The following HAUS2 variants were observed in gnomAD, a reference collection of about 807,000 sequenced individuals.
HAUS2 encodes HAUS augmin-like complex subunit 2.
HAUS2 carries 20 observed loss-of-function variants against 21.6 expected under a neutral mutation model. The observed-to-expected ratio is 0.93, with a 90% CI of 0.65 to 1.35. The LOEUF (loss-of-function observed/expected upper bound fraction) is 1.35, where lower values mean the gene tolerates loss of function less well. Among genes scored for constraint, HAUS2 ranks in the 40% most tolerant of loss-of-function variants. The probability of loss-of-function intolerance (pLI) is 0.00; values close to 1 mark genes in which losing one functional copy is unlikely to be tolerated. For missense variants in HAUS2, 297 were observed against 280.7 expected (o/e 1.06, Z -0.42); for synonymous variants, 113 against 95.6 (o/e 1.18, Z -1.06).
chr15:42,566,859 G>A lies in HAUS2; in HGVS notation c.*43G>A. ...GCTTAATTATGTGTAGTCATATGAA[G>A]TCTATTTCTAGTTGACTGTAACATG... is the stretch of plus-strand genomic sequence containing the variant. On this transcript the variant is annotated 3_prime_UTR_variant, in exon 6 of 6. Coordinates refer to ENST00000260372, the MANE Select transcript of HAUS2 (RefSeq NM_018097.3). 1.1e-6 allele frequency: 1 copy of A among 932,348 alleles called. No individual in the cohort carries two copies. The highest frequency in any genetic ancestry group is 2.4e-5 in the East Asian group (1 of 41,478). 57.8% of individuals were successfully genotyped at this position (932,348 alleles called of 1,614,324 possible).
chr15:42,569,289 T>G lies in HAUS2; in HGVS notation c.*2473T>G, dbSNP rs983861721. On this transcript the variant is annotated 3_prime_UTR_variant, in exon 6 of 6. Transcript: ENST00000260372. The stretch of plus-strand genomic sequence containing the variant: ...TCAGTTTTGTTTTTTGTTTTGTTCT[T>G]TTCTTTCCTTTTTTTTTTTTTTTTT... The G allele has an allele frequency of 6.7e-5, 10 of 150,000 alleles. No homozygotes were observed. Among genetic ancestry groups the G allele is most frequent in the African/African-American group, 2.5e-4 (10 of 40,000 alleles). The allele number at this position is 150,000 out of a possible 1,614,324, so 9.3% of individuals were successfully genotyped here. A position where few individuals can be genotyped will look rare whatever the true frequency, so the allele number is the denominator to read the frequency against.
intron 3 of HAUS2, chr15:42,560,825 G>A (rs916130704): frequency 7.1e-6 from 5 of 702,092 alleles, no homozygotes; most frequent in African/African-American, 3.5e-5. Flanking sequence ...TCGAACTCAT[G>A]GCCTCAATTC....
chr15:42,557,478 T>A (rs1255927323), intron 1 of HAUS2, among the ~76,000 whole-genome samples: 1 of 143,628 alleles, frequency 7.0e-6, no homozygotes, highest in African/African-American at 2.6e-5. Flanking sequence ...TAATGTATAT[T>A]ATATATAATA....
rs2141609774 is a variant in HAUS2 at position 42,567,648 on chromosome 15, G to C, written c.*832G>C. The C allele has an allele frequency of 6.6e-6, 1 of 152,354 alleles. No individual in the cohort carries two copies. Among genetic ancestry groups the C allele is most frequent in the South Asian group, 2.1e-4 (1 of 4,830 alleles). The allele number at this position is 152,354 out of a possible 1,614,324, so 9.4% of individuals were successfully genotyped here. A position where few individuals can be genotyped will look rare whatever the true frequency, so the allele number is the denominator to read the frequency against. On this transcript the variant is annotated 3_prime_UTR_variant, in exon 6 of 6. Coordinates refer to ENST00000260372, the MANE Select transcript of HAUS2 (RefSeq NM_018097.3). The stretch of plus-strand genomic sequence containing the variant: ...ACCTGAGGTCAGGAGTTTGAGACCA[G>C]CCTTGACAACATGGTGAAACCCCAT...
At chr15:42,564,600 C>T (rs960422490) in intron 5 of HAUS2, among the ~76,000 whole-genome samples, 5 of 152,152 alleles carry the variant, frequency 3.3e-5, no homozygotes, top group Admixed American at 2.0e-4. Context: ...GGAATTACTT[C>T]CAGTTTAGGA....
chr15:42,566,706 T>A lies in HAUS2; in HGVS notation c.598T>A (p.Cys200Ser). The A allele has an allele frequency of 6.3e-7, 1 of 1,580,988 alleles. No individual in the cohort carries two copies. The highest frequency in any genetic ancestry group is 1.1e-5 in the South Asian group (1 of 90,408). Residue 200 changes from cysteine (C) to serine (S), a missense_variant, in exon 6 of 6, where the codon TGT (cysteine) becomes AGT (serine). Physicochemically the swap from Cys to Ser is moderately radical, Grantham distance 112. Transcript: ENST00000260372. ...TAAACAACAAAACGAAGTTTCGTCT[T>A]GTATCCCCAAAATATTAGCTGAAGA... Reference protein sequence around the residue: ...WRKQQNEVSSCIPKILAEESY... With the variant: ...WRKQQNEVSSSIPKILAEESY...
chr15:42,561,163 G>C, intron 3 of HAUS2, 107 bp from the exon 4 acceptor site: 1 of 660,118 alleles, frequency 1.5e-6, no homozygotes, highest in African/African-American at 1.8e-5. Flanking sequence ...GGAGGGTAAT[G>C]ATAGGATGAA....
At chr15:42,551,491 A>ATCAGCCGAT (rs1328254736) in intron 1 of HAUS2, among the ~76,000 whole-genome samples, 1 of 152,078 alleles carries the variant, frequency 6.6e-6, no homozygotes, top group East Asian at 2.0e-4. Context: ...AAATACAAAA[A>ATCAGCCGAT]TCAGCCGGGT....
chr15:42,566,267 A>G (rs1364949609), intron 5 of HAUS2, among the ~76,000 whole-genome samples: 1 of 152,170 alleles, frequency 6.6e-6, no homozygotes, highest in Non-Finnish European at 1.5e-5. Flanking sequence ...TAAATGGTCA[A>G]TCATTTTTGA....
intron 1 of HAUS2, among the ~76,000 whole-genome samples, chr15:42,555,013 C>G (rs2057757865): frequency 6.7e-6 from 1 of 148,418 alleles, no homozygotes; most frequent in Non-Finnish European, 1.5e-5. Flanking sequence ...TTTTTTGAGA[C>G]AGAGTCTCTC....
chr15:42,551,140 C>CATCACACCTGCT (rs2057722008), intron 1 of HAUS2, among the ~76,000 whole-genome samples: 1 of 151,772 alleles, frequency 6.6e-6, no homozygotes, highest in Non-Finnish European at 1.5e-5. Flanking sequence ...AGGCACCTGC[C>CATCACACCTGCT]ATCACACCTG....
At position 42,566,752 on chromosome 15, in the gene HAUS2, A is replaced by G. The variant is rs760061530; in HGVS notation, c.644A>G (p.Asp215Gly). 2 of 1,555,264 alleles carry G rather than the reference A, an allele frequency of 1.3e-6. No individual in the cohort carries two copies. The highest frequency in any genetic ancestry group is 1.8e-6 in the Non-Finnish European group (2 of 1,126,506). The change falls in exon 6 of 6, where the codon GAT (aspartate) becomes GGT (glycine). Residue 215 changes from aspartate (D) to glycine (G), a missense_variant. Physicochemically the swap from Asp to Gly is moderately conservative, Grantham distance 94 (BLOSUM62 -1). Coordinates refer to ENST00000260372, the MANE Select transcript of HAUS2 (RefSeq NM_018097.3). Reference sequence around the variant, plus strand: ...GAAGAAAGTTATCTTTATAAACATGATATTATAATGCCTCCTTTACCTTTT... The same window carrying G: ...GAAGAAAGTTATCTTTATAAACATGGTATTATAATGCCTCCTTTACCTTTT... Reference protein sequence around the residue: ...LAEESYLYKHDIIMPPLPFTS... With the variant: ...LAEESYLYKHGIIMPPLPFTS...
chr15:42,558,138 C>A, intron 1 of HAUS2, 60 bp from the exon 2 acceptor site: 1 of 744,232 alleles, frequency 1.3e-6, no homozygotes, highest in Non-Finnish European at 2.4e-6. Flanking sequence ...GCATGCTATT[C>A]CAATGTACCT....
At chr15:42,557,087 G>T (rs61489160) in intron 1 of HAUS2, among the ~76,000 whole-genome samples, 19,558 of 149,724 alleles carry the variant, frequency 0.13, 1,578 homozygotes, top group African/African-American at 0.23. Flanking sequence ...GGCCTAGGTG[G>T]GCAGATCATG....
At chr15:42,559,136 CTT>C (rs370146156) in intron 2 of HAUS2, among the ~76,000 whole-genome samples, 26 of 138,228 alleles carry the variant, frequency 1.9e-4, no homozygotes, top group Non-Finnish European at 1.9e-4. Context: ...CCCCTGGACT[CTT>C]TTTTTTTTTT....
chr15:42,551,061 T>C (rs1219205028), intron 1 of HAUS2, among the ~76,000 whole-genome samples: 1 of 151,052 alleles, frequency 6.6e-6, no homozygotes, highest in Admixed American at 6.6e-5. Context: ...AGTGGTGTGA[T>C]CTTGGCTCAC....
chr15:42,549,390 C>T (rs2057696314), intron 1 of HAUS2, among the ~76,000 whole-genome samples: 1 of 151,972 alleles, frequency 6.6e-6, no homozygotes, highest in Non-Finnish European at 1.5e-5. Context: ...GCGGGAGGTG[C>T]TGGGTAGAGA....
At chr15:42,562,599 C>T (rs1187631074) in intron 4 of HAUS2, among the ~76,000 whole-genome samples, 1 of 151,538 alleles carries the variant, frequency 6.6e-6, no homozygotes, top group Non-Finnish European at 1.5e-5. Flanking sequence ...TGTCTCAAAA[C>T]AGAAAACAAA....
intron 5 of HAUS2, among the ~76,000 whole-genome samples, chr15:42,565,145 T>C (rs1024445616): frequency 6.6e-6 from 1 of 152,142 alleles, no homozygotes. Flanking sequence ...CAAAGTAAGC[T>C]GAATCTTAAG....
Sources: gnomAD v4.1 joint callset for allele counts (sites outside exome capture counted in the v4.1 genomes callset) on GRCh38, gnomAD v4.1.1 for gene constraint, MANE v1.5 for transcripts, NCBI Gene and HGNC (gene_info 2026-07-23, HGNC 2026-07-21) for gene names.